GRID1: variants seen among roughly 807,000 people sequenced by gnomAD.
GRID1 encodes the protein glutamate receptor ionotropic, delta-1.
Under a neutral mutation model 98.0 loss-of-function variants are expected in GRID1, and 28 were observed. The observed-to-expected ratio is 0.29, with a 90% CI of 0.21 to 0.39. The LOEUF is 0.39. GRID1 is among the 10% of genes least tolerant of loss of function. The pLI is 1.00. For synonymous variants in GRID1, 553 were observed against 538.5 expected (o/e 1.03, Z -0.37); for missense variants, 1,111 against 1,340.5 (o/e 0.83, Z 2.67).
At chr10:86,152,153 G>A (rs1046724168) in intron 3 of GRID1, among the ~76,000 whole-genome samples, 2 of 152,216 alleles carry the variant, frequency 1.3e-5, no homozygotes, top group Non-Finnish European at 2.9e-5. Flanking sequence ...GAACTTGCAG[G>A]ATGAAGAGGC....
chr10:85,901,613 T>C (rs1045326221), intron 5 of GRID1, among the ~76,000 whole-genome samples: 2 of 152,098 alleles, frequency 1.3e-5, no homozygotes, highest in Non-Finnish European at 2.9e-5. Context: ...TCCTAGGAGG[T>C]AACTATCACA....
chr10:86,155,204 A>C (rs940376624), intron 3 of GRID1, among the ~76,000 whole-genome samples: 5 of 152,254 alleles, frequency 3.3e-5, no homozygotes, highest in African/African-American at 1.2e-4. Flanking sequence ...GGCTTGCTGA[A>C]GGCTGGGGAA....
chr10:86,314,982 C>A (rs1270801912), intron 2 of GRID1, among the ~76,000 whole-genome samples: 2 of 135,918 alleles, frequency 1.5e-5, no homozygotes, highest in Non-Finnish European at 3.3e-5. Context: ...CTCCATGTAA[C>A]CTGTCCTTCC....
At chr10:86,361,797 C>T (rs1002834544) in intron 2 of GRID1, among the ~76,000 whole-genome samples, 6 of 152,266 alleles carry the variant, frequency 3.9e-5, no homozygotes, top group South Asian at 4.1e-4. Flanking sequence ...AGGATTTTCA[C>T]GCCCAATGGC....
chr10:86,267,873 C>T lies in GRID1; in HGVS notation c.236-61225G>A, dbSNP rs567886405. 1.8e-4 allele frequency among the ~76,000 whole-genome samples: 27 copies of T among 152,348 alleles called. No individual in the cohort carries two copies. The South Asian group carries it at 5.4e-3, about 30-fold the overall frequency. On this transcript the variant is annotated intron_variant, in intron 2 of 15. Coordinates refer to ENST00000327946, the MANE Select transcript of GRID1 (RefSeq NM_017551.3). ...ACCTTTTCACACTTTGTCCCTCAAACTGCAGAGGCCCTTCCATTCTTGCAC... is the reference window on the plus strand; with the variant it reads ...ACCTTTTCACACTTTGTCCCTCAAATTGCAGAGGCCCTTCCATTCTTGCAC...
chr10:85,775,021 G>T (rs900137338), intron 8 of GRID1, among the ~76,000 whole-genome samples: 1 of 152,124 alleles, frequency 6.6e-6, no homozygotes, highest in African/African-American at 2.4e-5. Context: ...AAAGACACAT[G>T]CAGACGTATG....
chr10:85,935,084 G>A (rs971026279), intron 4 of GRID1, among the ~76,000 whole-genome samples: 38 of 152,148 alleles, frequency 2.5e-4, no homozygotes, highest in African/African-American at 3.6e-4. Context: ...GACGGGTCCC[G>A]GCTAACAGCT....
chr10:86,247,914 C>T lies in GRID1; in HGVS notation c.236-41266G>A, dbSNP rs112537294. On this transcript the variant is annotated intron_variant, in intron 2 of 15. Coordinates refer to ENST00000327946, the MANE Select transcript of GRID1 (RefSeq NM_017551.3). ...AAGACCAAGCCCTCTGAACACCAAACATGTGTTGGTAGTTGTCTCCAGATC... is the reference window on the plus strand; with the variant it reads ...AAGACCAAGCCCTCTGAACACCAAATATGTGTTGGTAGTTGTCTCCAGATC... Among the ~76,000 whole-genome samples the T allele has an allele frequency of 3.5e-3, 539 of 152,292 alleles. 5 individuals are homozygous for T. Among genetic ancestry groups the T allele is most frequent in the African/African-American group, 0.012 (489 of 41,560 alleles).
At chr10:85,765,361 C>T (rs533124031) in intron 8 of GRID1, among the ~76,000 whole-genome samples, 3 of 152,268 alleles carry the variant, frequency 2.0e-5, no homozygotes, top group Middle Eastern at 3.4e-3. Flanking sequence ...AGGGAAGGTC[C>T]TAGCAATGTG....
intron 3 of GRID1, among the ~76,000 whole-genome samples, chr10:86,200,231 T>C (rs2132014606): frequency 6.6e-6 from 1 of 152,272 alleles, no homozygotes; most frequent in African/African-American, 2.4e-5. Context: ...CAGTGCCCTT[T>C]GCTTGCCTAA....
chr10:85,836,544 T>C (rs1382312580), intron 8 of GRID1, among the ~76,000 whole-genome samples: 1 of 152,178 alleles, frequency 6.6e-6, no homozygotes, highest in Non-Finnish European at 1.5e-5. Context: ...AGAGGACCCC[T>C]TGACCATCAC....
chr10:85,981,724 C>T (rs1409635073), intron 4 of GRID1, among the ~76,000 whole-genome samples: 1 of 152,214 alleles, frequency 6.6e-6, no homozygotes, highest in African/African-American at 2.4e-5. Context: ...TCACTAGATG[C>T]TCCAGGCACC....
chr10:86,126,790 A>G (rs2067946021), intron 4 of GRID1, among the ~76,000 whole-genome samples: 1 of 152,218 alleles, frequency 6.6e-6, no homozygotes, highest in South Asian at 2.1e-4. Context: ...TAGTGACCAC[A>G]CCAGGCCTTC....
intron 6 of GRID1, among the ~76,000 whole-genome samples, chr10:85,865,918 T>TATATATATATATATATATATATAC (rs1843211863): frequency 2.1e-5 from 2 of 94,534 alleles, no homozygotes; most frequent in Non-Finnish European, 4.2e-5. Context: ...TATACATATA[T>TATATATATATATATATATATATAC]ATATATATAT....
chr10:86,120,930 ACCTGGCTCTGCCACAG>A lies in GRID1; in HGVS notation c.726+17873_726+17888del, dbSNP rs570127567. On this transcript the variant is annotated intron_variant, in intron 4 of 15. Transcript: ENST00000327946. ...TGGCTTGAGGCTGGGCTCCCAACAT[ACCTGGCTCTGCCACAG>A]CCTGTCTCTCACATGTCCTAGTGCA... Among the ~76,000 whole-genome samples, 28 of 152,192 alleles carry A rather than the reference ACCTGGCTCTGCCACAG, an allele frequency of 1.8e-4. No individual in the cohort carries two copies. In the South Asian group the frequency reaches 2.3e-3, roughly 12 times the overall value.
At chr10:85,607,610 G>A (rs1035168847) in intron 15 of GRID1, among the ~76,000 whole-genome samples, 2 of 152,034 alleles carry the variant, frequency 1.3e-5, no homozygotes, top group African/African-American at 4.8e-5. Context: ...CAGTTCAATA[G>A]CAGATGTTTT....
At chr10:86,332,917 G>A (rs12248746) in intron 2 of GRID1, among the ~76,000 whole-genome samples, 1,743 of 152,116 alleles carry the variant, frequency 0.011, 36 homozygotes, top group African/African-American at 0.039. Flanking sequence ...GCCCCTCCTC[G>A]CTTCTCCGCC....
rs191495810 is a variant in GRID1 at position 86,080,094 on chromosome 10, G to A, written c.726+58725C>T. 5.2e-3 allele frequency among the ~76,000 whole-genome samples: 788 copies of A among 152,240 alleles called. 3 individuals carry two copies. The highest frequency in any genetic ancestry group is 0.013 in the South Asian group (62 of 4,834). On this transcript the variant is annotated intron_variant, in intron 4 of 15. Transcript: ENST00000327946. ...CACGCCTGTAATCCCAGCACTTTGG[G>A]AGGCTGAGGCAGGTGGACCACCTGA...
At chr10:86,152,432 A>T (rs534212849) in intron 3 of GRID1, among the ~76,000 whole-genome samples, 7 of 152,370 alleles carry the variant, frequency 4.6e-5, no homozygotes, top group African/African-American at 1.7e-4. Context: ...AGGCAGAGAA[A>T]GGATGACAGC....
Sources: gnomAD v4.1 joint callset for allele counts (sites outside exome capture counted in the v4.1 genomes callset) on GRCh38, gnomAD v4.1.1 for gene constraint, MANE v1.5 for transcripts, NCBI Gene and HGNC (gene_info 2026-07-23, HGNC 2026-07-21) for gene names.